HFM1: variants seen among roughly 807,000 people sequenced by gnomAD.
HFM1 encodes the protein helicase for meiosis 1, also known as probable ATP-dependent DNA helicase HFM1.
Under a neutral mutation model 192.1 loss-of-function variants are expected in HFM1, and 169 were observed. The ratio of observed to expected loss-of-function variants is 0.88; its 90% CI spans 0.78 to 1.00. The LOEUF (loss-of-function observed/expected upper bound fraction) is 1.00. Ranked by LOEUF, HFM1 falls within the 50% of genes least tolerant of loss-of-function variation. The probability of loss-of-function intolerance (pLI) is 0.00; values close to 1 mark genes in which losing one functional copy is unlikely to be tolerated. For synonymous variants in HFM1, 525 were observed against 537.8 expected (o/e 0.98, Z 0.33); for missense variants, 1,661 against 1,668.0 (o/e 1.00, Z 0.07).
At chr1:91,341,178 C>T (rs1384581563) in intron 20 of HFM1, among the ~76,000 whole-genome samples, 5 of 152,124 alleles carry the variant, frequency 3.3e-5, no homozygotes, top group Admixed American at 2.0e-4. Context: ...CTAAAATCAA[C>T]CACACATTCA....
intron 20 of HFM1, among the ~76,000 whole-genome samples, chr1:91,330,393 G>C (rs1653640988): frequency 6.6e-6 from 1 of 152,096 alleles, no homozygotes; most frequent in Non-Finnish European, 1.5e-5. Context: ...CAATATATTG[G>C]AAAATCTAGA....
At chr1:91,351,276 T>A (rs896311440) in intron 17 of HFM1, among the ~76,000 whole-genome samples, 1 of 151,876 alleles carries the variant, frequency 6.6e-6, no homozygotes, top group African/African-American at 2.4e-5. Flanking sequence ...AATTATAACA[T>A]AATCATAATT....
In HFM1 at chr1:91,404,786, C is replaced by T. The variant is rs1407964966; in HGVS notation, c.-28+12G>A. The stretch of plus-strand genomic sequence containing the variant: ...CCACCTTCCCCGCGGGCGTCCGGGC[C>T]CCTCTCCTCACCTCCCTGCGGACAG... On this transcript the variant is annotated intron_variant, in intron 1 of 38. Transcript: ENST00000370425. The T allele has an allele frequency of 2.2e-6, 1 of 447,152 alleles. No homozygotes were observed. Among genetic ancestry groups the T allele is most frequent in the Admixed American group, 2.4e-5 (1 of 41,598 alleles). The allele number at this position is 447,152 out of a possible 1,614,324, so 27.7% of individuals were successfully genotyped here.
chr1:91,388,329 T>A (rs1178270599), intron 4 of HFM1, among the ~76,000 whole-genome samples: 1 of 152,220 alleles, frequency 6.6e-6, no homozygotes, highest in African/African-American at 2.4e-5. Context: ...CTTACAGAAC[T>A]GAGCCTTCAA....
At position 91,368,216 on chromosome 1, in the gene HFM1, GC is replaced by G. The variant is rs1659654093; in HGVS notation, c.1685+7141del. 2.0e-5 allele frequency among the ~76,000 whole-genome samples: 3 copies of G among 152,138 alleles called. No homozygotes were observed. In the South Asian group the frequency reaches 6.2e-4, roughly 32 times the overall value. ...GAACTTCTCCAATCTAGCAAGGCAG[GC>G]CAACATTCAAATTTAGGAAATACAG... is the stretch of plus-strand genomic sequence containing the variant. On this transcript the variant is annotated intron_variant, in intron 13 of 38. Coordinates refer to ENST00000370425, the MANE Select transcript of HFM1 (RefSeq NM_001017975.6).
At chr1:91,352,683 C>A in intron 15 of HFM1, 32 bp from the exon 16 acceptor site, 1 of 1,515,232 alleles carries the variant, frequency 6.6e-7, no homozygotes, top group Non-Finnish European at 8.8e-7. Context: ...TAATTTTGAG[C>A]CATTTAACTT....
intron 30 of HFM1, among the ~76,000 whole-genome samples, chr1:91,308,990 G>T (rs1447797798): frequency 6.6e-6 from 1 of 152,074 alleles, no homozygotes; most frequent in Non-Finnish European, 1.5e-5. Context: ...AGGTATGAAG[G>T]TTTTCATAGT....
At chr1:91,316,590 ATAAC>A (rs952525918) in intron 25 of HFM1, 114 bp from the exon 26 acceptor site, 20 of 423,614 alleles carry the variant, frequency 4.7e-5, no homozygotes, top group African/African-American at 2.9e-4. Flanking sequence ...ATCCAGTCAA[ATAAC>A]TAACTTAAAG....
At chr1:91,345,556 T>C (rs1437465937) in intron 19 of HFM1, among the ~76,000 whole-genome samples, 1 of 152,192 alleles carries the variant, frequency 6.6e-6, no homozygotes, top group Non-Finnish European at 1.5e-5. Flanking sequence ...CTAAGGATCC[T>C]TCCTGACAGA....
At chr1:91,306,401 T>A in intron 30 of HFM1, among the ~76,000 whole-genome samples, 1 of 152,288 alleles carries the variant, frequency 6.6e-6, no homozygotes, top group East Asian at 1.9e-4. Flanking sequence ...TTTTTTTAAA[T>A]CATAAATGAG....
chr1:91,350,224 G>A (rs1318163559), intron 18 of HFM1, among the ~76,000 whole-genome samples: 1 of 151,990 alleles, frequency 6.6e-6, no homozygotes, highest in African/African-American at 2.4e-5. Flanking sequence ...CTTTAATTTG[G>A]TATTTCAACA....
chr1:91,380,064 A>G, intron 8 of HFM1, 40 bp downstream of exon 8: 1 of 949,656 alleles, frequency 1.1e-6, no homozygotes, highest in South Asian at 3.1e-5. Flanking sequence ...ATGGTTTTTC[A>G]TTATTATAAT....
intron 34 of HFM1, among the ~76,000 whole-genome samples, chr1:91,269,054 T>C (rs1351491016): frequency 6.6e-6 from 1 of 152,134 alleles, no homozygotes; most frequent in Non-Finnish European, 1.5e-5. Flanking sequence ...TAATCTACAA[T>C]ATTAAAATTT....
intron 30 of HFM1, among the ~76,000 whole-genome samples, chr1:91,278,974 G>A (rs1429731543): frequency 2.0e-5 from 3 of 151,846 alleles, no homozygotes; most frequent in South Asian, 4.2e-4. Flanking sequence ...CCCTCTTCTG[G>A]CTAACACAGA....
rs1310228330 is a variant in HFM1 at position 91,354,969 on chromosome 1, C to A, written c.1686-1670G>T. Among the ~76,000 whole-genome samples, 5 of 151,958 alleles carry A rather than the reference C, an allele frequency of 3.3e-5. No individual in the cohort carries two copies. The South Asian group carries it at 8.3e-4, about 25-fold the overall frequency. On this transcript the variant is annotated intron_variant, in intron 13 of 38. Transcript: ENST00000370425. ...GTGCCACCACTGTAATGGTGGTGTG[C>A]AAATCTTTCAAATCTCTATTATGAA...
chr1:91,313,110 A>G (rs1220235440), intron 30 of HFM1, among the ~76,000 whole-genome samples: 1 of 152,162 alleles, frequency 6.6e-6, no homozygotes, highest in African/African-American at 2.4e-5. Flanking sequence ...CAGCATGAAA[A>G]TGGACTAATA....
At chr1:91,299,975 A>G (rs551256120) in intron 30 of HFM1, among the ~76,000 whole-genome samples, 2 of 152,132 alleles carry the variant, frequency 1.3e-5, no homozygotes, top group African/African-American at 2.4e-5. Context: ...AAAACCCTTC[A>G]AAAAAATCAA....
chr1:91,328,278 G>T, intron 20 of HFM1: 2 of 864,264 alleles, frequency 2.3e-6, no homozygotes, highest in South Asian at 4.5e-5. Flanking sequence ...AAGCTGAGGG[G>T]GGAAAGTGGG....
At chr1:91,392,400 G>A (rs1289461884) in intron 4 of HFM1, among the ~76,000 whole-genome samples, 1 of 152,200 alleles carries the variant, frequency 6.6e-6, no homozygotes, top group Admixed American at 6.5e-5. Flanking sequence ...TATACATCAT[G>A]GAATACTATG....
Sources: allele counts gnomAD v4.1 joint callset (sites outside exome capture counted in the v4.1 genomes callset), GRCh38; gene constraint gnomAD v4.1.1; transcripts MANE v1.5; gene names NCBI Gene and HGNC (gene_info 2026-07-23, HGNC 2026-07-21).